The following C7orf57 variants were observed in gnomAD, a reference collection of about 807,000 sequenced individuals.
The protein encoded by C7orf57 is chromosome 7 open reading frame 57, also known as uncharacterized protein C7orf57.
Under a neutral mutation model 39.0 loss-of-function variants are expected in C7orf57, and 33 were observed. The ratio of observed to expected loss-of-function variants is 0.85; its 90% CI spans 0.64 to 1.13. The LOEUF (loss-of-function observed/expected upper bound fraction) is 1.13, where lower values mean the gene tolerates loss of function less well. Among genes scored for constraint, C7orf57 ranks in the 50% most tolerant of loss-of-function variants. The pLI is 0.00. For missense variants in C7orf57, 346 were observed against 362.3 expected, an observed-to-expected ratio of 0.95 and a Z score of 0.37; for synonymous variants, 124 against 137.1, an observed-to-expected ratio of 0.90 and a Z score of 0.67.
chr7:48,058,873 A>G (rs985684224), intron 8 of C7orf57, among the ~76,000 whole-genome samples: 1 of 152,214 alleles, frequency 6.6e-6, no homozygotes, highest in Non-Finnish European at 1.5e-5. Context: ...CATTCATATA[A>G]ATGTATAAAC....
intron 6 of C7orf57, among the ~76,000 whole-genome samples, chr7:48,051,766 C>CTTTCTT (rs372788473): frequency 1.6e-5 from 1 of 63,766 alleles, no homozygotes; most frequent in East Asian, 3.1e-4. Context: ...TTCTTTCTTT[C>CTTTCTT]TTTCTTTCTT....
At chr7:48,059,376 G>T (rs1166993122) in intron 8 of C7orf57, among the ~76,000 whole-genome samples, 1 of 152,004 alleles carries the variant, frequency 6.6e-6, no homozygotes, top group African/African-American at 2.4e-5. Context: ...TTTGAGACAG[G>T]GTCTTGCTCT....
chr7:48,053,724 T>C (rs1791030790), intron 7 of C7orf57, among the ~76,000 whole-genome samples: 1 of 152,244 alleles, frequency 6.6e-6, no homozygotes, highest in Admixed American at 6.5e-5. Flanking sequence ...GTACTGAGAT[T>C]ACAGGTGTGA....
chr7:48,043,616 T>C, intron 4 of C7orf57, 27 bp downstream of exon 4: 1 of 1,569,114 alleles, frequency 6.4e-7, no homozygotes, highest in East Asian at 2.2e-5. Flanking sequence ...ACTCACATTT[T>C]TGTTTATCTT....
chr7:48,061,052 T>C lies in C7orf57; in HGVS notation c.*780T>C, dbSNP rs1196454162. The C allele has an allele frequency of 6.6e-6, 1 of 152,118 alleles. No individual in the cohort carries two copies. Among genetic ancestry groups the C allele is most frequent in the African/African-American group, 2.4e-5 (1 of 41,434 alleles). The allele number at this position is 152,118 out of a possible 1,614,324, so 9.4% of individuals were successfully genotyped here. On this transcript the variant is annotated 3_prime_UTR_variant, in exon 9 of 9. Coordinates refer to ENST00000348904, the MANE Select transcript of C7orf57 (RefSeq NM_001100159.3). Reference sequence around the variant, plus strand: ...TTAATTGATTAATAAAATAATAATTTTATGTGAGAATGTTTTCAAAAAGCC... The same window carrying C: ...TTAATTGATTAATAAAATAATAATTCTATGTGAGAATGTTTTCAAAAAGCC...
chr7:48,037,652 T>TAA (rs1004256907), intron 2 of C7orf57, among the ~76,000 whole-genome samples: 4 of 151,878 alleles, frequency 2.6e-5, no homozygotes, highest in African/African-American at 4.8e-5. Flanking sequence ...TATATATATA[T>TAA]AAAAAATCTA....
At chr7:48,052,209 T>A (rs1287506500) in intron 6 of C7orf57, among the ~76,000 whole-genome samples, 1 of 151,916 alleles carries the variant, frequency 6.6e-6, no homozygotes, top group Non-Finnish European at 1.5e-5. Flanking sequence ...CTTGACCTCA[T>A]GGCTGCCTGC....
intron 8 of C7orf57, among the ~76,000 whole-genome samples, chr7:48,056,238 C>A (rs1443363112): frequency 6.6e-6 from 1 of 152,088 alleles, no homozygotes; most frequent in South Asian, 2.1e-4. Context: ...TTTGTATATA[C>A]CTGTTGGCCA....
chr7:48,055,721 G>A (rs1562633130), intron 8 of C7orf57, among the ~76,000 whole-genome samples: 1 of 152,124 alleles, frequency 6.6e-6, no homozygotes, highest in Non-Finnish European at 1.5e-5. Flanking sequence ...TACAGTATCT[G>A]TCTTTCTGTA....
At chr7:48,050,121 G>A (rs1339870198) in intron 6 of C7orf57, 144 bp downstream of exon 6, 15 of 642,646 alleles carry the variant, frequency 2.3e-5, no homozygotes, top group South Asian at 1.1e-4. Flanking sequence ...TGTGCCTGTC[G>A]CCTCCTCACT....
At chr7:48,040,698 C>T (rs541111949) in intron 2 of C7orf57, among the ~76,000 whole-genome samples, 6 of 152,172 alleles carry the variant, frequency 3.9e-5, no homozygotes, top group Non-Finnish European at 7.4e-5. Context: ...ACACTGTACT[C>T]GCTCATATGG....
chr7:48,037,775 G>A lies in C7orf57; in HGVS notation c.55+1412G>A, dbSNP rs931523355. Among the ~76,000 whole-genome samples, 6 of 152,112 alleles carry A rather than the reference G, an allele frequency of 3.9e-5. 1 individual carries two copies. Among genetic ancestry groups the A allele is most frequent in the South Asian group, 2.1e-4 (1 of 4,814 alleles). On this transcript the variant is annotated intron_variant, in intron 2 of 8. Coordinates refer to ENST00000348904, the MANE Select transcript of C7orf57 (RefSeq NM_001100159.3). ...TGTGTGTGTGTGTGTGTGTGCGCGC[G>A]CGTGCGTGTGTGTGAGGTGGTCACA... is the stretch of plus-strand genomic sequence containing the variant.
intron 2 of C7orf57, among the ~76,000 whole-genome samples, chr7:48,041,018 G>C (rs1790531858): frequency 6.6e-6 from 1 of 152,164 alleles, no homozygotes; most frequent in South Asian, 2.1e-4. Flanking sequence ...TTAGGAGAGA[G>C]AGACAGAGAC....
chr7:48,046,647 G>C, intron 5 of C7orf57, 31 bp downstream of exon 5: 2 of 1,595,370 alleles, frequency 1.3e-6, no homozygotes, highest in Non-Finnish European at 1.7e-6. Context: ...GACGGCATCC[G>C]CATCCGCTTT....
intron 3 of C7orf57, 54 bp downstream of exon 3, chr7:48,041,573 G>T (rs1201792552): frequency 3.6e-6 from 5 of 1,386,842 alleles, no homozygotes; most frequent in Non-Finnish European, 3.9e-6. Context: ...GGTGAGGGGG[G>T]CGTTTGTTCC....
At chr7:48,053,080 A>G (rs749105342) in intron 7 of C7orf57, 157 bp downstream of exon 7, 1 of 710,896 alleles carries the variant, frequency 1.4e-6, no homozygotes, top group Non-Finnish European at 2.5e-6. Context: ...CAGATAAGCA[A>G]GAGAGTAATA....
At chr7:48,055,139 G>C (rs991179667) in intron 8 of C7orf57, among the ~76,000 whole-genome samples, 3 of 152,186 alleles carry the variant, frequency 2.0e-5, no homozygotes, top group Admixed American at 1.3e-4. Context: ...GCCTCCGAAA[G>C]TGCTGAGATT....
At chr7:48,042,912 C>G (rs984368240) in intron 3 of C7orf57, among the ~76,000 whole-genome samples, 2 of 152,116 alleles carry the variant, frequency 1.3e-5, no homozygotes, top group African/African-American at 4.8e-5. Context: ...AGCCTGTGCT[C>G]TCTGTGCCTC....
At chr7:48,053,109 C>A (rs1316515891) in intron 7 of C7orf57, 186 bp downstream of exon 7, 2 of 697,524 alleles carry the variant, frequency 2.9e-6, no homozygotes, top group Admixed American at 4.0e-5. Context: ...GCTCTTTCCT[C>A]TTTATTCAAA....
Sources: allele counts gnomAD v4.1 joint callset (sites outside exome capture counted in the v4.1 genomes callset), GRCh38; gene constraint gnomAD v4.1.1; transcripts MANE v1.5; gene names NCBI Gene and HGNC (gene_info 2026-07-23, HGNC 2026-07-21).